The following SPATA13 variants were observed in gnomAD, a reference collection of about 807,000 sequenced individuals.
The protein encoded by SPATA13 is spermatogenesis associated 13, also known as spermatogenesis-associated protein 13.
SPATA13 carries 50 observed loss-of-function variants against 104.0 expected under a neutral mutation model. The ratio of observed to expected loss-of-function variants is 0.48; its 90% CI spans 0.38 to 0.61. The LOEUF (loss-of-function observed/expected upper bound fraction) is 0.61. SPATA13 is among the 20% of genes least tolerant of loss of function. The pLI is 0.00. For synonymous variants in SPATA13, 606 were observed against 667.5 expected, an observed-to-expected ratio of 0.91 and a Z score of 1.42; for missense variants, 1,524 against 1,690.6, an observed-to-expected ratio of 0.90 and a Z score of 1.73.
chr13:24,155,140 G>T (rs1002878409), intron 3 of SPATA13, among the ~76,000 whole-genome samples: 2 of 152,272 alleles, frequency 1.3e-5, no homozygotes, highest in South Asian at 4.1e-4. Flanking sequence ...GAGCCACCTT[G>T]CCCGGTTGGT....
At chr13:24,278,889 C>T (rs1348183098) in intron 4 of SPATA13, 70 of 909,806 alleles carry the variant, frequency 7.7e-5, no homozygotes, top group Admixed American at 1.6e-4. Flanking sequence ...TCCTTCCTTC[C>T]TTCCTTCCTT....
intron 1 of SPATA13, among the ~76,000 whole-genome samples, chr13:24,209,762 GT>G (rs566176386): frequency 1.3e-5 from 2 of 151,962 alleles, no homozygotes; most frequent in Non-Finnish European, 2.9e-5. Flanking sequence ...TGTTGATTTC[GT>G]TTTTTTGGAT....
Position 24,302,916 on chromosome 13 carries a change from G to A in SPATA13, c.*143G>A, listed in dbSNP as rs900035854. On this transcript the variant is annotated 3_prime_UTR_variant, in exon 13 of 13. Coordinates refer to ENST00000382108, the MANE Select transcript of SPATA13 (RefSeq NM_001166271.3). The stretch of plus-strand genomic sequence containing the variant: ...GATCAATGAAGGAGAGAAGGTCTTG[G>A]AATCACCTTCAGTCTTTGGAGACCC... The A allele has an allele frequency of 1.8e-5, 19 of 1,046,962 alleles. No homozygotes were observed. Among genetic ancestry groups the A allele is most frequent in the Non-Finnish European group, 2.4e-5 (17 of 716,588 alleles). The allele number at this position is 1,046,962 out of a possible 1,614,324, so 64.9% of individuals were successfully genotyped here.
At position 24,222,845 on chromosome 13, in the gene SPATA13, G is replaced by C; in HGVS notation, c.-85G>C. 6.5e-7 allele frequency: 1 copy of C among 1,530,854 alleles called. No individual in the cohort carries two copies. Among genetic ancestry groups the C allele is most frequent in the Non-Finnish European group, 8.8e-7 (1 of 1,134,324 alleles). The allele number at this position is 1,530,854 out of a possible 1,614,324, so 94.8% of individuals were successfully genotyped here. ...CCGTGGCCACCCAGGAGCCCGATGT[G>C]CAAGGCAGGTGTGAGTGCCAGGACG... On this transcript the variant is annotated 5_prime_UTR_variant, in exon 2 of 13. Coordinates refer to ENST00000382108, the MANE Select transcript of SPATA13 (RefSeq NM_001166271.3).
chr13:24,132,673 T>TCAAAGTCTAGGAAAGGATGGCCGGG (rs1295037290), intron 3 of SPATA13, among the ~76,000 whole-genome samples: 17 of 152,168 alleles, frequency 1.1e-4, no homozygotes, highest in Non-Finnish European at 1.8e-4. Context: ...TGTTTGGAAT[T>TCAAAGTCTAGGAAAGGATGGCCGGG]CAAAGTCTAG....
intron 1 of SPATA13, among the ~76,000 whole-genome samples, chr13:24,191,501 C>CTTTTTTTTT (rs57437676): frequency 4.4e-5 from 3 of 67,422 alleles, no homozygotes; most frequent in Admixed American, 2.5e-4. Flanking sequence ...ACATTGCTTT[C>CTTTTTTTTT]TTTTTTTTTT....
chr13:24,160,154 A>G (rs1345119016), upstream of SPATA13, among the ~76,000 whole-genome samples: 1 of 152,224 alleles, frequency 6.6e-6, no homozygotes, highest in Non-Finnish European at 1.5e-5. Flanking sequence ...TGGCCCAGGC[A>G]GTGGGCAGTG....
At chr13:24,193,652 G>A (rs2138556226) in intron 1 of SPATA13, among the ~76,000 whole-genome samples, 1 of 152,330 alleles carries the variant, frequency 6.6e-6, no homozygotes, top group South Asian at 2.1e-4. Context: ...AGGAATCAGT[G>A]GCATCAGAGG....
At chr13:24,162,143 A>G (rs531617541) in intron 1 of SPATA13, among the ~76,000 whole-genome samples, 2 of 151,458 alleles carry the variant, frequency 1.3e-5, no homozygotes, top group East Asian at 3.9e-4. Context: ...TTATTATCCC[A>G]TATCCTAATT....
At chr13:23,992,700 G>T (rs1050782002) in intron 2 of SPATA13, among the ~76,000 whole-genome samples, 4 of 152,148 alleles carry the variant, frequency 2.6e-5, no homozygotes, top group African/African-American at 9.7e-5. Context: ...AGCTTGAAAG[G>T]GGCCCTGCAG....
At chr13:24,154,380 C>T (rs1242305723) in intron 3 of SPATA13, among the ~76,000 whole-genome samples, 1 of 152,150 alleles carries the variant, frequency 6.6e-6, no homozygotes, top group African/African-American at 2.4e-5. Context: ...CACAGAGCAA[C>T]ATGGATGAAT....
chr13:24,175,004 C>T (rs543778210), intron 1 of SPATA13, among the ~76,000 whole-genome samples: 2 of 152,220 alleles, frequency 1.3e-5, no homozygotes, highest in South Asian at 2.1e-4. Context: ...AATTCCATTA[C>T]GGTTAGAGAA....
chr13:24,111,948 C>T (rs915288104), intron 3 of SPATA13, among the ~76,000 whole-genome samples: 4 of 152,190 alleles, frequency 2.6e-5, no homozygotes, highest in Non-Finnish European at 4.4e-5. Flanking sequence ...GTCCAATCAG[C>T]GGAAGCACTT....
At position 24,300,448 on chromosome 13, in the gene SPATA13, C is replaced by A; in HGVS notation, c.3631C>A (p.Gln1211Lys). 1 of 1,614,070 alleles carries A rather than the reference C, an allele frequency of 6.2e-7. No individual in the cohort carries two copies. The highest frequency in any genetic ancestry group is 8.5e-7 in the Non-Finnish European group (1 of 1,179,994). ...GAAGAAACTTGCCATGTTAAATGCT[C>A]AAAAGGCAGGACATGGAAAGTCAAA... ...NQKKLAMLNA[Q>K]KAGHGKSKGY... Residue 1211 changes from glutamine to lysine, a missense_variant, in exon 12 of 13, where the codon CAA becomes AAA. Coordinates refer to ENST00000382108, the MANE Select transcript of SPATA13 (RefSeq NM_001166271.3).
At chr13:24,159,910 C>G (rs1222547165), upstream of SPATA13, among the ~76,000 whole-genome samples, 1 of 152,178 alleles carries the variant, frequency 6.6e-6, no homozygotes, top group Non-Finnish European at 1.5e-5. Flanking sequence ...ATTCCATTAG[C>G]TGCCTATCAG....
rs961532773 is a variant in SPATA13, at chr13:24,161,752, A to G, written c.-112+820A>G. On this transcript the variant is annotated intron_variant, in intron 1 of 12. Coordinates refer to ENST00000382108, the MANE Select transcript of SPATA13 (RefSeq NM_001166271.3). This position sits in a 1 kb window ranked among gnomAD's most constrained non-coding sequence, Gnocchi z 4.5. The stretch of plus-strand genomic sequence containing the variant: ...TGGGTCATTTGCTTCCCAGCATTGC[A>G]TAGGGATGTGGATAAATAGAATAAT... 1.3e-5 allele frequency among the ~76,000 whole-genome samples: 2 copies of G among 152,216 alleles called. No homozygotes were observed. Among genetic ancestry groups the G allele is most frequent in the Non-Finnish European group, 2.9e-5 (2 of 68,038 alleles).
intron 2 of SPATA13, among the ~76,000 whole-genome samples, chr13:24,007,838 G>C (rs2137681725): frequency 6.6e-6 from 1 of 152,310 alleles, no homozygotes; most frequent in South Asian, 2.1e-4. Flanking sequence ...AAGATTAAAT[G>C]AAATATTACA....
chr13:24,223,541 C>A lies in SPATA13; in HGVS notation c.612C>A (p.Arg204=). 6.5e-7 allele frequency: 1 copy of A among 1,549,278 alleles called. No individual in the cohort carries two copies. Among genetic ancestry groups the A allele is most frequent in the Non-Finnish European group, 8.7e-7 (1 of 1,146,994 alleles). Residue 204 remains arginine, a synonymous_variant, in exon 2 of 13, where the codon CGC becomes CGA. Coordinates refer to ENST00000382108, the MANE Select transcript of SPATA13 (RefSeq NM_001166271.3). The stretch of plus-strand genomic sequence containing the variant: ...GCACACACCGCTCCCGCAGCCTCCG[C>A]AGAGCCTACGGCCTGGGCCGCATCT... ...QRSTHRSRSL[R]RAYGLGRICL... is the part of the protein sequence containing the mutation.
intron 1 of SPATA13, among the ~76,000 whole-genome samples, chr13:24,175,989 C>T (rs986762414): frequency 1.3e-5 from 2 of 152,168 alleles, no homozygotes; most frequent in African/African-American, 4.8e-5. Context: ...GACATGCTAA[C>T]AGAGTCACCT....
Sources: gnomAD v4.1 joint callset for allele counts (sites outside exome capture counted in the v4.1 genomes callset) on GRCh38, gnomAD v4.1.1 for gene constraint, Gnocchi (gnomAD v3.1) non-coding constraint, MANE v1.5 for transcripts, NCBI Gene and HGNC (gene_info 2026-07-23, HGNC 2026-07-21) for gene names.